Variants in RBFOX1 observed in about 807,000 individuals in gnomAD.
The protein encoded by RBFOX1 is RNA binding protein fox-1 homolog 1.
RBFOX1 carries 8 observed loss-of-function variants against 57.7 expected under a neutral mutation model. That is an observed-to-expected ratio of 0.14 (90% confidence interval 0.08 to 0.25). The LOEUF (loss-of-function observed/expected upper bound fraction) is 0.25. RBFOX1 is among the 10% of genes least tolerant of loss of function. The pLI is 1.00. For synonymous variants in RBFOX1, 326 were observed against 222.4 expected (o/e 1.47, Z -4.15); for missense variants, 611 against 548.5 (o/e 1.11, Z -1.14).
chr16:6,221,606 T>C (rs2097373837), intron 1 of RBFOX1, among the ~76,000 whole-genome samples: 1 of 152,234 alleles, frequency 6.6e-6, no homozygotes, highest in Admixed American at 6.5e-5. Context: ...CTTATACTGC[T>C]AATAAAGACA....
At chr16:6,299,749 G>C (rs2078585823) in intron 1 of RBFOX1, among the ~76,000 whole-genome samples, 1 of 152,098 alleles carries the variant, frequency 6.6e-6, no homozygotes, top group Non-Finnish European at 1.5e-5. Context: ...GCGTCTGCTG[G>C]GTCTCAGTTA....
chr16:6,719,835 G>C (rs2065609602), intron 3 of RBFOX1, among the ~76,000 whole-genome samples: 1 of 152,020 alleles, frequency 6.6e-6, no homozygotes, highest in Admixed American at 6.6e-5. Context: ...GCTCACACCT[G>C]TAATCTCAGC....
chr16:5,359,350 C>CA (rs2065479149), intron 1 of RBFOX1, among the ~76,000 whole-genome samples: 1 of 152,214 alleles, frequency 6.6e-6, no homozygotes, highest in East Asian at 1.9e-4. Flanking sequence ...ATTGCTGGAT[C>CA]ATATGGTAGC....
chr16:6,150,975 G>A (rs1008101716), intron 1 of RBFOX1, among the ~76,000 whole-genome samples: 5 of 152,134 alleles, frequency 3.3e-5, no homozygotes, highest in Non-Finnish European at 7.3e-5. Flanking sequence ...TCCCAGCTTA[G>A]ATGTTCCTGC....
At chr16:6,675,386 G>A (rs2057460910) in intron 3 of RBFOX1, among the ~76,000 whole-genome samples, 1 of 151,876 alleles carries the variant, frequency 6.6e-6, no homozygotes, top group Non-Finnish European at 1.5e-5. Context: ...TTTTCTTGGA[G>A]TTGACTGCAA....
rs115182857 is a variant in RBFOX1 at position 6,309,373 on chromosome 16, G to A, written c.-126-7622G>A. Among the ~76,000 whole-genome samples the A allele has an allele frequency of 2.8e-4, 42 of 152,254 alleles. 1 individual carries two copies. Among genetic ancestry groups the A allele is most frequent in the African/African-American group, 1.0e-3 (42 of 41,542 alleles). On this transcript the variant is annotated intron_variant, in intron 1 of 15. Coordinates refer to ENST00000550418, the MANE Select transcript of RBFOX1 (RefSeq NM_018723.4). ...GGATTTCTTTGGAGTACACACAGTT[G>A]CATCCTTCTGACAGACAGTGCAAAT...
rs967333382 is a variant in RBFOX1 at position 7,038,176 on chromosome 16, G to A, written c.-15-13881G>A. ...TGCTCATTCTACACAGAGTTTCCTGGCTATAGGGTAACGATGGTCCCAGGA... is the reference window on the plus strand; with the variant it reads ...TGCTCATTCTACACAGAGTTTCCTGACTATAGGGTAACGATGGTCCCAGGA... On this transcript the variant is annotated intron_variant, in intron 3 of 15. Coordinates refer to ENST00000550418, the MANE Select transcript of RBFOX1 (RefSeq NM_018723.4). Among the ~76,000 whole-genome samples, 10 of 150,038 alleles carry A rather than the reference G, an allele frequency of 6.7e-5. No individual in the cohort carries two copies. The Admixed American group carries it at 6.7e-4, about 10-fold the overall frequency.
intron 1 of RBFOX1, among the ~76,000 whole-genome samples, chr16:5,320,191 G>C (rs907157473): frequency 1.3e-5 from 2 of 152,224 alleles, no homozygotes; most frequent in African/African-American, 2.4e-5. Context: ...TGGAGGCACA[G>C]AGAAAAATCA....
intron 4 of RBFOX1, among the ~76,000 whole-genome samples, chr16:7,111,658 G>T (rs2064801283): frequency 6.6e-6 from 1 of 152,114 alleles, no homozygotes; most frequent in Admixed American, 6.5e-5. Flanking sequence ...GATTGAAATG[G>T]CTCATACCTG....
At chr16:6,272,046 C>G (rs141639073) in intron 1 of RBFOX1, among the ~76,000 whole-genome samples, 14 of 152,062 alleles carry the variant, frequency 9.2e-5, no homozygotes, top group African/African-American at 3.1e-4. Context: ...TTGACTGTAA[C>G]AAAATATTAA....
intron 2 of RBFOX1, among the ~76,000 whole-genome samples, chr16:6,428,906 G>A (rs1337546615): frequency 1.3e-5 from 2 of 152,216 alleles, no homozygotes; most frequent in African/African-American, 4.8e-5. Flanking sequence ...AAAGTATCGT[G>A]TAGGAAGTAG....
At chr16:7,528,269 G>C (rs978849885) in intron 5 of RBFOX1, among the ~76,000 whole-genome samples, 10 of 152,248 alleles carry the variant, frequency 6.6e-5, no homozygotes, top group African/African-American at 2.2e-4. Context: ...TTGGTGCTTT[G>C]TGCTTATTCA....
intron 3 of RBFOX1, among the ~76,000 whole-genome samples, chr16:6,925,548 A>T (rs1208522362): frequency 1.3e-5 from 2 of 151,716 alleles, no homozygotes; most frequent in Non-Finnish European, 2.9e-5. Flanking sequence ...GATCTATTTT[A>T]TTCACTGACA....
At chr16:5,837,799 C>T (rs963508472) in intron 3 of RBFOX1, among the ~76,000 whole-genome samples, 1 of 152,116 alleles carries the variant, frequency 6.6e-6, no homozygotes, top group Admixed American at 6.5e-5. Context: ...AGGCAGGGTG[C>T]TTATCTCATT....
intron 2 of RBFOX1, among the ~76,000 whole-genome samples, chr16:6,438,914 AC>A (rs1372258322): frequency 1.3e-5 from 2 of 152,162 alleles, no homozygotes; most frequent in Non-Finnish European, 2.9e-5. Context: ...GAATTTTGCA[AC>A]TCATAATATG....
intron 4 of RBFOX1, among the ~76,000 whole-genome samples, chr16:5,870,493 A>T (rs1244494017): frequency 1.3e-5 from 2 of 151,960 alleles, no homozygotes; most frequent in African/African-American, 4.8e-5. Context: ...GGTAAGTGAG[A>T]TGAAGGGAAT....
intron 1 of RBFOX1, among the ~76,000 whole-genome samples, chr16:5,426,692 T>C (rs2067571215): frequency 6.6e-6 from 1 of 152,218 alleles, no homozygotes; most frequent in African/African-American, 2.4e-5. Flanking sequence ...AGCTGCTTCT[T>C]GTGGCTGTTT....
intron 2 of RBFOX1, among the ~76,000 whole-genome samples, chr16:6,508,375 A>T (rs1426973995): frequency 6.6e-6 from 1 of 152,200 alleles, no homozygotes; most frequent in Non-Finnish European, 1.5e-5. Flanking sequence ...TAAAACAAAA[A>T]TATAATGTAA....
At chr16:6,378,664 C>G (rs991091370) in intron 2 of RBFOX1, among the ~76,000 whole-genome samples, 4 of 152,188 alleles carry the variant, frequency 2.6e-5, no homozygotes, top group African/African-American at 9.6e-5. Context: ...CATCCCAGAG[C>G]TCATCTCAAA....
Sources: allele counts gnomAD v4.1 joint callset (sites outside exome capture counted in the v4.1 genomes callset), GRCh38; gene constraint gnomAD v4.1.1; transcripts MANE v1.5; gene names NCBI Gene and HGNC (gene_info 2026-07-23, HGNC 2026-07-21).